The following MGMT variants were observed in gnomAD, a reference collection of about 807,000 sequenced individuals.
MGMT encodes methylated-DNA--protein-cysteine methyltransferase.
MGMT carries 14 observed loss-of-function variants against 15.9 expected under a neutral mutation model. That is an observed-to-expected ratio of 0.88 (90% CI 0.58 to 1.37). The LOEUF (loss-of-function observed/expected upper bound fraction) is 1.37, where lower values mean the gene tolerates loss of function less well. MGMT is among the 40% of genes most tolerant of loss of function. The pLI, the probability that MGMT is intolerant of heterozygous loss-of-function variation, is 0.00. For missense variants in MGMT, 282 were observed against 268.1 expected (o/e 1.05, Z -0.36); for synonymous variants, 130 against 118.2 (o/e 1.10, Z -0.65).
In MGMT at chr10:129,520,327, C is replaced by T. The variant is rs565070811; in HGVS notation, c.-12-15914C>T. Among the ~76,000 whole-genome samples, 32 of 152,256 alleles carry T rather than the reference C, an allele frequency of 2.1e-4. No homozygotes were observed. In the South Asian group the frequency reaches 6.4e-3, roughly 31 times the overall value. On this transcript the variant is annotated intron_variant, in intron 1 of 4. Coordinates refer to ENST00000651593, the MANE Select transcript of MGMT (RefSeq NM_002412.5). Reference sequence around the variant, plus strand: ...CCAGAGGAGGAGTGGGGCTGCTACCCATGATGCTAGACCGAGGTTGCCGAA... The same window carrying T: ...CCAGAGGAGGAGTGGGGCTGCTACCTATGATGCTAGACCGAGGTTGCCGAA...
At chr10:129,635,868 A>G (rs1268333782) in intron 2 of MGMT, among the ~76,000 whole-genome samples, 3 of 152,176 alleles carry the variant, frequency 2.0e-5, no homozygotes, top group African/African-American at 4.8e-5. Flanking sequence ...AGATGAGAAT[A>G]AGACAGATTC....
intron 1 of MGMT, among the ~76,000 whole-genome samples, chr10:129,494,928 C>T (rs577583010): frequency 5.9e-5 from 9 of 152,262 alleles, no homozygotes; most frequent in Middle Eastern, 3.4e-3. Context: ...TCAATAGGGA[C>T]GTCACCCCTG....
intron 3 of MGMT, among the ~76,000 whole-genome samples, chr10:129,728,193 G>A (rs948527877): frequency 6.6e-6 from 1 of 152,202 alleles, no homozygotes; most frequent in Non-Finnish European, 1.5e-5. Flanking sequence ...ACCGTGGATG[G>A]CAGGGAAAAG....
chr10:129,490,066 A>G (rs1310170936), intron 1 of MGMT, among the ~76,000 whole-genome samples: 2 of 151,986 alleles, frequency 1.3e-5, no homozygotes, highest in African/African-American at 4.8e-5. Context: ...GGTAGAAAGA[A>G]CTTTCCTTCT....
chr10:129,630,938 T>G (rs772349604), intron 2 of MGMT, among the ~76,000 whole-genome samples: 1 of 152,212 alleles, frequency 6.6e-6, no homozygotes, highest in African/African-American at 2.4e-5. Context: ...TTTAGAAAAG[T>G]GCATTGCTGT....
chr10:129,505,573 C>T (rs1323787600), intron 1 of MGMT, among the ~76,000 whole-genome samples: 1 of 152,104 alleles, frequency 6.6e-6, no homozygotes, highest in Non-Finnish European at 1.5e-5. Flanking sequence ...TGGTCTTTTC[C>T]TTCTTTAAAA....
rs192115439 is a variant in MGMT at position 129,678,733 on chromosome 10, C to A, written c.126-29162C>A. On this transcript the variant is annotated intron_variant, in intron 2 of 4. Coordinates refer to ENST00000651593, the MANE Select transcript of MGMT (RefSeq NM_002412.5). ...AGGATCCACTATGCTACGTGTGCACCGGGTGTAGACTTGGTCCAGTGCATG... is the reference window on the plus strand; with the variant it reads ...AGGATCCACTATGCTACGTGTGCACAGGGTGTAGACTTGGTCCAGTGCATG... 2.6e-4 allele frequency among the ~76,000 whole-genome samples: 40 copies of A among 152,170 alleles called. 1 individual carries two copies. Among genetic ancestry groups the A allele is most frequent in the African/African-American group, 8.0e-4 (33 of 41,504 alleles).
At chr10:129,484,570 C>T (rs765597664) in intron 1 of MGMT, among the ~76,000 whole-genome samples, 4 of 152,108 alleles carry the variant, frequency 2.6e-5, no homozygotes, top group South Asian at 2.1e-4. Flanking sequence ...CCTTGTTTTA[C>T]GCATCTCTAC....
At chr10:129,637,949 G>C (rs1847280738) in intron 2 of MGMT, among the ~76,000 whole-genome samples, 1 of 152,224 alleles carries the variant, frequency 6.6e-6, no homozygotes, top group Non-Finnish European at 1.5e-5. Flanking sequence ...TGTTATGGCA[G>C]CCTGAGCAAA....
At chr10:129,497,608 G>A (rs562565414) in intron 1 of MGMT, among the ~76,000 whole-genome samples, 220 of 152,244 alleles carry the variant, frequency 1.4e-3, no homozygotes, top group Non-Finnish European at 2.7e-3. Context: ...CGCTAACACG[G>A]GTGCACTACT....
chr10:129,725,823 A>G (rs1035534367), intron 3 of MGMT, among the ~76,000 whole-genome samples: 1 of 152,212 alleles, frequency 6.6e-6, no homozygotes, highest in African/African-American at 2.4e-5. Context: ...ACGGTCCTCC[A>G]TGTAAACTAC....
intron 3 of MGMT, among the ~76,000 whole-genome samples, chr10:129,712,756 G>A (rs371094461): frequency 2.2e-4 from 34 of 152,216 alleles, no homozygotes; most frequent in African/African-American, 8.2e-4. Flanking sequence ...GGTCCTCACC[G>A]GAGCCAGCCC....
chr10:129,767,386 A>C lies in MGMT; in HGVS notation c.*389A>C. The C allele has an allele frequency of 6.2e-6, 1 of 161,112 alleles. No homozygotes were observed. The highest frequency in any genetic ancestry group is 1.3e-5 in the Non-Finnish European group (1 of 74,198). The allele number at this position is 161,112 out of a possible 1,614,324, so 10.0% of individuals were successfully genotyped here. A position where few individuals can be genotyped will look rare whatever the true frequency, so the allele number is the denominator to read the frequency against. ...CACACTAGAAAGCTGGCCCTGCCCCATCCCCACCATGCCTCCCTTCCTGGC... is the reference window on the plus strand; with the variant it reads ...CACACTAGAAAGCTGGCCCTGCCCCCTCCCCACCATGCCTCCCTTCCTGGC... On this transcript the variant is annotated 3_prime_UTR_variant, in exon 5 of 5. Transcript: ENST00000651593.
intron 2 of MGMT, chr10:129,700,668 A>G (rs1213909587): frequency 2.6e-5 from 4 of 152,230 alleles, no homozygotes; most frequent in Non-Finnish European, 5.9e-5. Flanking sequence ...TGTCTGAAAT[A>G]CAGAGTCAAA....
At chr10:129,644,755 G>A (rs1176417636) in intron 2 of MGMT, among the ~76,000 whole-genome samples, 5 of 152,202 alleles carry the variant, frequency 3.3e-5, no homozygotes, top group East Asian at 1.9e-4. Context: ...GGCCTTGCCC[G>A]GTGCTCCTGG....
intron 2 of MGMT, among the ~76,000 whole-genome samples, chr10:129,642,819 C>G (rs1847342467): frequency 6.6e-6 from 1 of 152,100 alleles, no homozygotes; most frequent in Non-Finnish European, 1.5e-5. Context: ...GTAGTCACAG[C>G]TACTTGGGAG....
chr10:129,716,187 C>T (rs538039958), intron 3 of MGMT, among the ~76,000 whole-genome samples: 12 of 152,276 alleles, frequency 7.9e-5, no homozygotes, highest in East Asian at 3.9e-4. Flanking sequence ...CACTTGACTC[C>T]GTTTAGTTCG....
At chr10:129,519,270 A>G (rs1002592477) in intron 1 of MGMT, among the ~76,000 whole-genome samples, 3 of 152,236 alleles carry the variant, frequency 2.0e-5, no homozygotes, top group Non-Finnish European at 4.4e-5. Context: ...GTATTTAATC[A>G]AATGGAAAGT....
chr10:129,759,493 G>A (rs1848847064), intron 4 of MGMT, 152 bp downstream of exon 4: 2 of 1,222,856 alleles, frequency 1.6e-6, no homozygotes, highest in South Asian at 1.5e-5. Flanking sequence ...TATGCCAGAT[G>A]CCTCCAGAAG....
Sources: allele counts gnomAD v4.1 joint callset (sites outside exome capture counted in the v4.1 genomes callset), GRCh38; gene constraint gnomAD v4.1.1; transcripts MANE v1.5; gene names NCBI Gene and HGNC (gene_info 2026-07-23, HGNC 2026-07-21).